Variants in MBD5 observed in about 807,000 individuals in gnomAD.
MBD5 encodes methyl-CpG-binding domain protein 5.
MBD5 carries 13 observed loss-of-function variants against 117.3 expected under a neutral mutation model. That is an observed-to-expected ratio of 0.11 (90% CI 0.07 to 0.18). The LOEUF is 0.18. Ranked by LOEUF, MBD5 falls within the 10% of genes least tolerant of loss-of-function variation. The pLI is 1.00. For synonymous variants in MBD5, 727 were observed against 766.4 expected (o/e 0.95, Z 0.85); for missense variants, 1,879 against 2,093.8 (o/e 0.90, Z 2.00).
At chr2:148,139,735 C>G (rs1355490261) in intron 1 of MBD5, among the ~76,000 whole-genome samples, 1 of 152,064 alleles carries the variant, frequency 6.6e-6, no homozygotes, top group Non-Finnish European at 1.5e-5. Flanking sequence ...ACAATAGCTA[C>G]CCCCCTGCAC....
At chr2:148,333,569 C>T (rs752192269) in intron 3 of MBD5, among the ~76,000 whole-genome samples, 5 of 151,298 alleles carry the variant, frequency 3.3e-5, no homozygotes, top group South Asian at 2.1e-4. Context: ...AGGCTGGGCA[C>T]GGTGGCTCAC....
In MBD5 at chr2:148,515,537, A is replaced by C. The variant is rs1022794031; in HGVS notation, c.*2596A>C. ...TGTTGCACCTACTTTACAATTAAAA[A>C]ATTGGTCACTCGCACTTCAATTTTG... On this transcript the variant is annotated 3_prime_UTR_variant, in exon 14 of 14. Coordinates refer to ENST00000642680, the MANE Select transcript of MBD5 (RefSeq NM_001378120.1). 1.3e-5 allele frequency: 2 copies of C among 152,194 alleles called. No homozygotes were observed. The highest frequency in any genetic ancestry group is 2.9e-5 in the Non-Finnish European group (2 of 68,034). 9.4% of individuals were successfully genotyped at this position (152,194 alleles called of 1,614,324 possible).
At chr2:148,471,077 A>G (rs569154759) in intron 8 of MBD5, 5 of 152,208 alleles carry the variant, frequency 3.3e-5, no homozygotes, top group African/African-American at 1.2e-4. Context: ...AAAAGCTAAT[A>G]ATTTAAGCTT....
rs77172103 is a variant in MBD5 at position 148,121,624 on chromosome 2, T to C, written c.-924-57076T>C. On this transcript the variant is annotated intron_variant, in intron 1 of 13. Coordinates refer to ENST00000642680, the MANE Select transcript of MBD5 (RefSeq NM_001378120.1). ...CTTCAGTTTTTCAGGTCATTTTTCT[T>C]TTAAAAAGCCATGCAACATGTCTGA... Among the ~76,000 whole-genome samples, 1,096 of 152,200 alleles carry C rather than the reference T, an allele frequency of 7.2e-3. 10 individuals are homozygous for C. The highest frequency in any genetic ancestry group is 0.025 in the African/African-American group (1,022 of 41,570).
intron 1 of MBD5, among the ~76,000 whole-genome samples, chr2:148,060,816 C>G (rs531068954): frequency 9.2e-5 from 14 of 152,162 alleles, no homozygotes; most frequent in Non-Finnish European, 1.6e-4. Flanking sequence ...AGAGATATTT[C>G]AGAATTAGAG....
At chr2:148,127,597 A>G (rs935836101) in intron 1 of MBD5, among the ~76,000 whole-genome samples, 4 of 152,150 alleles carry the variant, frequency 2.6e-5, no homozygotes, top group African/African-American at 9.7e-5. Flanking sequence ...ATTCCATGGT[A>G]TATATGTACC....
intron 4 of MBD5, among the ~76,000 whole-genome samples, chr2:148,393,688 A>T (rs1704627496): frequency 1.3e-5 from 2 of 152,212 alleles, no homozygotes; most frequent in Admixed American, 6.5e-5. Flanking sequence ...GTCCTTGTCC[A>T]TTACCCTGGT....
intron 3 of MBD5, among the ~76,000 whole-genome samples, chr2:148,312,050 A>T (rs142498875): frequency 9.1e-4 from 139 of 152,264 alleles, no homozygotes; most frequent in African/African-American, 3.2e-3. Context: ...CTTTGTGGGT[A>T]ACTTGACCTT....
At chr2:148,154,571 A>G (rs911852010) in intron 1 of MBD5, among the ~76,000 whole-genome samples, 1 of 152,178 alleles carries the variant, frequency 6.6e-6, no homozygotes, top group African/African-American at 2.4e-5. Context: ...CTGCTGTGCT[A>G]TCAATCAGCG....
intron 13 of MBD5, chr2:148,512,319 A>G (rs770557374): frequency 1.5e-4 from 27 of 177,792 alleles, no homozygotes; most frequent in Non-Finnish European, 2.9e-4. Flanking sequence ...AACAGATGAT[A>G]GTGGTATTCT....
In MBD5 at chr2:148,384,216, C is replaced by T. The variant is rs181153861; in HGVS notation, c.-557+41880C>T. ...TGATTGTATATCTAGAAAACCCCAT[C>T]GTCTCAGCCCAAAATCTCCTTAAGC... On this transcript the variant is annotated intron_variant, in intron 4 of 13. Coordinates refer to ENST00000642680, the MANE Select transcript of MBD5 (RefSeq NM_001378120.1). Among the ~76,000 whole-genome samples the T allele has an allele frequency of 7.5e-3, 1,149 of 152,198 alleles. 17 individuals carry two copies. Among genetic ancestry groups the T allele is most frequent in the Non-Finnish European group, 7.0e-3 (476 of 68,006 alleles).
At chr2:148,189,013 C>T (rs1307591503) in intron 2 of MBD5, among the ~76,000 whole-genome samples, 4 of 148,262 alleles carry the variant, frequency 2.7e-5, no homozygotes, top group East Asian at 2.0e-4. Context: ...CCTGGAAAAT[C>T]GGGTCACTCC....
At chr2:148,455,342 TA>T (rs1451649667) in intron 4 of MBD5, among the ~76,000 whole-genome samples, 1 of 152,120 alleles carries the variant, frequency 6.6e-6, no homozygotes, top group Non-Finnish European at 1.5e-5. Flanking sequence ...CTGCAAGATG[TA>T]AAGCTGTAAA....
At chr2:148,113,358 A>G (rs1696547264) in intron 1 of MBD5, among the ~76,000 whole-genome samples, 1 of 152,136 alleles carries the variant, frequency 6.6e-6, no homozygotes, top group African/African-American at 2.4e-5. Flanking sequence ...ACCTTGTCAA[A>G]AACTTTTTTT....
intron 3 of MBD5, among the ~76,000 whole-genome samples, chr2:148,254,807 C>G (rs114057717): frequency 0.011 from 1,706 of 152,296 alleles, 13 homozygotes; most frequent in Non-Finnish European, 0.017. Flanking sequence ...CAGTGTTGCT[C>G]TATGCACTGC....
intron 1 of MBD5, among the ~76,000 whole-genome samples, chr2:148,033,701 A>G (rs116686784): frequency 3.4e-3 from 525 of 152,348 alleles, no homozygotes; most frequent in East Asian, 8.3e-3. Flanking sequence ...ACAGCGTACC[A>G]CATAACAGTT....
At chr2:148,434,434 T>A (rs62184002) in intron 4 of MBD5, among the ~76,000 whole-genome samples, 6,352 of 152,136 alleles carry the variant, frequency 0.042, 164 homozygotes, top group Non-Finnish European at 0.055. Context: ...TACTTTTGTG[T>A]TGCTTTTCTA....
intron 3 of MBD5, among the ~76,000 whole-genome samples, chr2:148,235,798 A>G: frequency 7.3e-6 from 1 of 137,224 alleles, no homozygotes; most frequent in Admixed American, 7.4e-5. Flanking sequence ...AAAAAGGGGG[A>G]GTGTTTTGGG....
intron 1 of MBD5, among the ~76,000 whole-genome samples, chr2:148,115,894 G>A (rs187246887): frequency 6.0e-4 from 91 of 152,152 alleles, no homozygotes; most frequent in African/African-American, 2.1e-3. Context: ...CTAGGCTGGA[G>A]TGCAATGGCA....
Sources: allele counts gnomAD v4.1 joint callset (sites outside exome capture counted in the v4.1 genomes callset), GRCh38; gene constraint gnomAD v4.1.1; transcripts MANE v1.5; gene names NCBI Gene and HGNC (gene_info 2026-07-23, HGNC 2026-07-21).